Variants in CEP63 observed in about 807,000 individuals in gnomAD.
CEP63 encodes centrosomal protein 63.
Under a neutral mutation model 89.1 loss-of-function variants are expected in CEP63, and 84 were observed. The observed-to-expected ratio is 0.94, with a 90% CI of 0.79 to 1.13. The LOEUF is 1.13. Ranked by LOEUF, CEP63 falls within the 50% of genes most tolerant of loss-of-function variation. The pLI is 0.00. For missense variants in CEP63, 838 were observed against 813.3 expected, an observed-to-expected ratio of 1.03 and a Z score of -0.37; for synonymous variants, 267 against 272.5, an observed-to-expected ratio of 0.98 and a Z score of 0.20.
chr3:134,649,132 A>ATTCTG, the CEP63 span, among the ~76,000 whole-genome samples: 1,072 of 152,336 alleles, frequency 7.0e-3, 11 homozygotes, highest in African/African-American at 0.024. Context: ...AGTGACACAG[A>ATTCTG]TCTCTACACT....
At chr3:134,611,382 CT>C in the CEP63 span, among the ~76,000 whole-genome samples, 2 of 152,172 alleles carry the variant, frequency 1.3e-5, no homozygotes, top group Admixed American at 1.3e-4. Context: ...CCTGGGTGTC[CT>C]TTCATGGCCA....
At chr3:134,761,948 T>G in the CEP63 span, among the ~76,000 whole-genome samples, 1 of 152,204 alleles carries the variant, frequency 6.6e-6, no homozygotes, top group Non-Finnish European at 1.5e-5. Context: ...CTCCTTCTTC[T>G]TCCTGCAGGA....
In CEP63 at chr3:134,564,337, A is replaced by C. The variant is rs62271506; in HGVS notation, c.*2802A>C. The C allele has an allele frequency of 0.055, 54,117 of 985,320 alleles. 1,760 individuals are homozygous for C. Among genetic ancestry groups the C allele is most frequent in the South Asian group, 0.17 (3,653 of 21,282 alleles). The allele number at this position is 985,320 out of a possible 1,614,324, so 61.0% of individuals were successfully genotyped here. A position where few individuals can be genotyped will look rare whatever the true frequency, so the allele number is the denominator to read the frequency against. ...TTGTCTCCTCTTCCCACACCCTGTC[A>C]TGTGCTCCTAAAACTCCCCCTTTAC... On this transcript the variant is annotated 3_prime_UTR_variant, in exon 15 of 15. Coordinates refer to ENST00000675561, the MANE Select transcript of CEP63 (RefSeq NM_001353108.3).
the CEP63 span, among the ~76,000 whole-genome samples, chr3:134,680,481 T>C: frequency 6.6e-6 from 1 of 152,188 alleles, no homozygotes; most frequent in Non-Finnish European, 1.5e-5. Flanking sequence ...CACATCCAGC[T>C]GGGCCCATCA....
the CEP63 span, among the ~76,000 whole-genome samples, chr3:134,708,337 T>C: frequency 6.6e-6 from 1 of 152,232 alleles, no homozygotes; most frequent in African/African-American, 2.4e-5. Context: ...GAGACCAGGG[T>C]CCCAGGGGAA....
chr3:134,570,607 A>G (rs556910906), intron 11 of CEP63, among the ~76,000 whole-genome samples: 1 of 152,364 alleles, frequency 6.6e-6, no homozygotes, highest in South Asian at 2.1e-4. Context: ...ACAAGTCTCT[A>G]GGAAGTTCCA....
At chr3:134,757,455 G>T in the CEP63 span, among the ~76,000 whole-genome samples, 1 of 152,158 alleles carries the variant, frequency 6.6e-6, no homozygotes, top group Non-Finnish European at 1.5e-5. Flanking sequence ...GGACTCTCAG[G>T]ACAAGGTTGT....
intron 3 of CEP63, among the ~76,000 whole-genome samples, chr3:134,529,125 C>T (rs1251715597): frequency 1.3e-5 from 2 of 152,062 alleles, no homozygotes; most frequent in Non-Finnish European, 2.9e-5. Context: ...CAGTAAAAAT[C>T]CTTCACAAAA....
chr3:134,755,804 AACTGACTGGTGCTTTGAG>A, the CEP63 span: 5 of 152,264 alleles, frequency 3.3e-5, no homozygotes, highest in Non-Finnish European at 1.5e-5. Context: ...GAGCTGTGAG[AACTGACTGGTGCTTTGAG>A]TTTTCCAAAA....
the CEP63 span, among the ~76,000 whole-genome samples, chr3:134,758,674 T>C: frequency 2.0e-5 from 3 of 152,218 alleles, no homozygotes; most frequent in Admixed American, 6.5e-5. Context: ...TCCCCTCAGA[T>C]TGGCCCTGAT....
At position 134,564,313 on chromosome 3, in the gene CEP63, TG is replaced by T; in HGVS notation, c.*2779del. 1.0e-6 allele frequency: 1 copy of T among 985,410 alleles called. No homozygotes were observed. The highest frequency in any genetic ancestry group is 1.2e-6 in the Non-Finnish European group (1 of 829,922). The allele number at this position is 985,410 out of a possible 1,614,324, so 61.0% of individuals were successfully genotyped here. A position where few individuals can be genotyped will look rare whatever the true frequency, so the allele number is the denominator to read the frequency against. The stretch of plus-strand genomic sequence containing the variant: ...TTGGTGTGCATGCTGTCCTTCAGTT[TG>T]TCTCCTCTTCCCACACCCTGTCATG... On this transcript the variant is annotated 3_prime_UTR_variant, in exon 15 of 15. Coordinates refer to ENST00000675561, the MANE Select transcript of CEP63 (RefSeq NM_001353108.3).
the CEP63 span, among the ~76,000 whole-genome samples, chr3:134,678,658 C>A: frequency 1.3e-5 from 2 of 152,230 alleles, no homozygotes. Context: ...TAAGTGTCCT[C>A]ATTTTACAGA....
the CEP63 span, among the ~76,000 whole-genome samples, chr3:134,701,173 AC>A: frequency 7.0e-6 from 1 of 143,668 alleles, no homozygotes; most frequent in Non-Finnish European, 1.5e-5. Context: ...ATACATACAT[AC>A]ATACATTATA....
At chr3:134,509,728 G>A (rs564563819) in intron 3 of CEP63, among the ~76,000 whole-genome samples, 1 of 152,248 alleles carries the variant, frequency 6.6e-6, no homozygotes, top group South Asian at 2.1e-4. Flanking sequence ...GAAATACACA[G>A]AAAATTAAAA....
chr3:134,542,826 A>G (rs1952337890), intron 6 of CEP63, among the ~76,000 whole-genome samples: 2 of 151,422 alleles, frequency 1.3e-5, no homozygotes, highest in Admixed American at 1.3e-4. Flanking sequence ...ACTTTTAACC[A>G]CCTCTGCTGT....
chr3:134,573,974 T>G (rs4396934), intron 11 of CEP63, among the ~76,000 whole-genome samples: 151,833 of 152,270 alleles, frequency 1, 75,701 homozygotes, highest in Middle Eastern at 1. Flanking sequence ...TTCTCCTGGG[T>G]CTTCTTGGAA....
At chr3:134,541,983 G>A (rs1401147859) in intron 6 of CEP63, among the ~76,000 whole-genome samples, 1 of 152,100 alleles carries the variant, frequency 6.6e-6, no homozygotes, top group Non-Finnish European at 1.5e-5. Context: ...GGTCATTTCT[G>A]TTTAGAAGGC....
the CEP63 span, among the ~76,000 whole-genome samples, chr3:134,698,749 A>G: frequency 6.6e-6 from 1 of 152,090 alleles, no homozygotes; most frequent in Non-Finnish European, 1.5e-5. Context: ...TTCTCAGGCT[A>G]CCTCCATCAA....
chr3:134,690,743 A>ATTTTTTTTGTTTTTTTTTTTTTTTTT, the CEP63 span, among the ~76,000 whole-genome samples: 1 of 120,796 alleles, frequency 8.3e-6, no homozygotes, highest in African/African-American at 3.5e-5. Flanking sequence ...GAAGACCAAG[A>ATTTTTTTTGTTTTTTTTTTTTTTTTT]TTTTTTTTTT....
Sources: gnomAD v4.1 joint callset for allele counts (sites outside exome capture counted in the v4.1 genomes callset) on GRCh38, gnomAD v4.1.1 for gene constraint, MANE v1.5 for transcripts, NCBI Gene and HGNC (gene_info 2026-07-23, HGNC 2026-07-21) for gene names.